ACP1: variants seen among roughly 807,000 people sequenced by gnomAD.
The protein encoded by ACP1 is low molecular weight phosphotyrosine protein phosphatase.
A neutral mutation model predicts 23.4 loss-of-function variants in ACP1; 23 were observed. The ratio of observed to expected loss-of-function variants is 0.98; its 90% confidence interval spans 0.71 to 1.39. ACP1 has a LOEUF of 1.39. ACP1 is among the 40% of genes most tolerant of loss of function. The pLI, the probability that ACP1 is intolerant of heterozygous loss-of-function variation, is 0.00. For missense variants in ACP1, 180 were observed against 197.7 expected, an observed-to-expected ratio of 0.91 and a Z score of 0.54; for synonymous variants, 72 against 67.2, an observed-to-expected ratio of 1.07 and a Z score of -0.35.
chr2:274,027 A>G (rs940122095), intron 3 of ACP1, among the ~76,000 whole-genome samples: 4 of 152,156 alleles, frequency 2.6e-5, no homozygotes, highest in Admixed American at 6.5e-5. Flanking sequence ...GCTGGGTGCT[A>G]TGACATATGC....
chr2:271,616 A>G (rs929758042), intron 1 of ACP1, among the ~76,000 whole-genome samples: 6 of 152,068 alleles, frequency 3.9e-5, no homozygotes, highest in Non-Finnish European at 5.9e-5. Context: ...TGTTTTTCTG[A>G]TATCTTTGTC....
At chr2:272,320 G>A in intron 3 of ACP1, 170 bp downstream of exon 3, 1 of 1,607,280 alleles carries the variant, frequency 6.2e-7, no homozygotes, top group Non-Finnish European at 8.5e-7. Context: ...ACAAGCTCTT[G>A]TTCAATTTCT....
At position 272,168 on chromosome 2, in the gene ACP1, G is replaced by A. The variant is rs749919233; in HGVS notation, c.231+18G>A. 1.9e-6 allele frequency: 3 copies of A among 1,614,066 alleles called. No individual in the cohort carries two copies. ...CCCGGCAGGTACCGTCCTTGGACTT[G>A]AAGTTGTGTGTTTTGTGTTTCAGTG... On this transcript the variant is annotated intron_variant, in intron 3 of 5. Transcript: ENST00000272065.
At chr2:270,674 G>A (rs961483705) in intron 1 of ACP1, among the ~76,000 whole-genome samples, 7 of 152,040 alleles carry the variant, frequency 4.6e-5, no homozygotes, top group South Asian at 2.1e-4. Context: ...GTCTCCCTCC[G>A]AAAACCCCAA....
chr2:267,604 GTGGC>G (rs1669924943), intron 1 of ACP1, among the ~76,000 whole-genome samples: 1 of 152,254 alleles, frequency 6.6e-6, no homozygotes, highest in Admixed American at 6.5e-5. Context: ...GGAAGCTGCA[GTGGC>G]TGGGCCTAGT....
At chr2:267,608 C>T (rs1669924991) in intron 1 of ACP1, among the ~76,000 whole-genome samples, 1 of 152,214 alleles carries the variant, frequency 6.6e-6, no homozygotes, top group South Asian at 2.1e-4. Flanking sequence ...GCTGCAGTGG[C>T]TGGGCCTAGT....
At chr2:267,618 T>C (rs1669925341) in intron 1 of ACP1, among the ~76,000 whole-genome samples, 1 of 152,338 alleles carries the variant, frequency 6.6e-6, no homozygotes, top group East Asian at 1.9e-4. Flanking sequence ...CTGGGCCTAG[T>C]GGCCAGATAG....
intron 1 of ACP1, chr2:266,362 A>G (rs1480011353): frequency 2.6e-5 from 4 of 152,258 alleles, no homozygotes; most frequent in East Asian, 3.8e-4. Flanking sequence ...GATGAAATCA[A>G]TAAGTTTATT....
chr2:269,043 C>T lies in ACP1; in HGVS notation c.44-2823C>T, dbSNP rs186856299. Among the ~76,000 whole-genome samples, 92 of 152,258 alleles carry T rather than the reference C, an allele frequency of 6.0e-4. 2 individuals are homozygous for T. Among genetic ancestry groups the T allele is most frequent in the Middle Eastern group, 6.8e-3 (2 of 294 alleles). ...GCTGAGATACTAGGCATCTGTTGTT[C>T]TACAGATCCAAAATAATAATTGTCT... On this transcript the variant is annotated intron_variant, in intron 1 of 5. Transcript: ENST00000272065.
intron 4 of ACP1, 27 bp downstream of exon 4, chr2:275,228 TG>T: frequency 7.2e-7 from 1 of 1,382,222 alleles, no homozygotes; most frequent in Non-Finnish European, 1.0e-6. Flanking sequence ...AGAATATTTC[TG>T]TTCAACTCTC....
intron 1 of ACP1, among the ~76,000 whole-genome samples, chr2:269,649 G>A (rs537317231): frequency 6.6e-6 from 1 of 152,290 alleles, no homozygotes; most frequent in South Asian, 2.1e-4. Flanking sequence ...CAGAAGCAAG[G>A]TCGTAGAAAC....
chr2:267,773 CTCTT>C (rs1366046945), intron 1 of ACP1, among the ~76,000 whole-genome samples: 1 of 152,212 alleles, frequency 6.6e-6, no homozygotes, highest in African/African-American at 2.4e-5. Flanking sequence ...AGTCTGCAAA[CTCTT>C]TGTTTAAAGA....
At position 271,956 on chromosome 2, in the gene ACP1, ATCTT is replaced by A; in HGVS notation, c.117+18_117+21del. The A allele has an allele frequency of 6.2e-7, 1 of 1,609,998 alleles. No homozygotes were observed. Among genetic ancestry groups the A allele is most frequent in the Non-Finnish European group, 8.5e-7 (1 of 1,177,102 alleles). On this transcript the variant is annotated intron_variant, in intron 2 of 5. Coordinates refer to ENST00000272065, the MANE Select transcript of ACP1 (RefSeq NM_004300.4). ...TCAGAGAATGTAAGTACCATTCATT[ATCTT>A]AAAGAGGCCAACCTGAACTCCTCTG... is the stretch of plus-strand genomic sequence containing the variant.
intron 1 of ACP1, among the ~76,000 whole-genome samples, chr2:270,900 G>A (rs1455429800): frequency 1.3e-5 from 2 of 152,132 alleles, no homozygotes; most frequent in Non-Finnish European, 2.9e-5. Context: ...TAATGAAATT[G>A]TAATGGTAAG....
chr2:271,105 A>T (rs1670016362), intron 1 of ACP1, among the ~76,000 whole-genome samples: 1 of 152,076 alleles, frequency 6.6e-6, no homozygotes, highest in South Asian at 2.1e-4. Context: ...AGGGCTTTGC[A>T]TGTGATCGCT....
chr2:267,314 C>G (rs941920763), intron 1 of ACP1, among the ~76,000 whole-genome samples: 1 of 152,234 alleles, frequency 6.6e-6, no homozygotes, highest in African/African-American at 2.4e-5. Flanking sequence ...CCCAGCCTCT[C>G]TGGAGCTCAC....
chr2:275,125 C>G lies in ACP1; in HGVS notation c.232-15C>G, dbSNP rs745929058. 9 of 1,424,526 alleles carry G rather than the reference C, an allele frequency of 6.3e-6. No individual in the cohort carries two copies. In the Admixed American group the frequency reaches 1.5e-4, roughly 24 times the overall value. The allele number at this position is 1,424,526 out of a possible 1,614,324, so 88.2% of individuals were successfully genotyped here. A position where few individuals can be genotyped will look rare whatever the true frequency, so the allele number is the denominator to read the frequency against. On this transcript the variant is annotated splice_polypyrimidine_tract_variant and intron_variant, in intron 3 of 5. Transcript: ENST00000272065. ...TGGTATAAACACTGTGTTTTGACTT[C>G]TTATTCAATTTTAGATTACCAAAGA...
At chr2:265,082 G>A in intron 1 of ACP1, 75 bp downstream of exon 1, 1 of 1,583,198 alleles carries the variant, frequency 6.3e-7, no homozygotes, top group South Asian at 1.1e-5. Context: ...TGTAGGTTGT[G>A]CCGCCGGCCT....
chr2:270,804 A>C (rs919810566), intron 1 of ACP1, among the ~76,000 whole-genome samples: 2 of 152,118 alleles, frequency 1.3e-5, no homozygotes, highest in African/African-American at 4.8e-5. Context: ...GCTACCTGTT[A>C]GGGAACCTCC....
Sources: allele counts gnomAD v4.1 joint callset (sites outside exome capture counted in the v4.1 genomes callset), GRCh38; gene constraint gnomAD v4.1.1; transcripts MANE v1.5; gene names NCBI Gene and HGNC (gene_info 2026-07-23, HGNC 2026-07-21).